The following TMTC4 variants were observed in gnomAD, a reference collection of about 807,000 sequenced individuals.
TMTC4 encodes protein O-mannosyl-transferase TMTC4.
Under a neutral mutation model 86.0 loss-of-function variants are expected in TMTC4, and 65 were observed. That is an observed-to-expected ratio of 0.76 (90% confidence interval 0.62 to 0.93). The LOEUF (loss-of-function observed/expected upper bound fraction) is 0.93, where lower values mean the gene tolerates loss of function less well. Ranked by LOEUF, TMTC4 falls within the 40% of genes least tolerant of loss-of-function variation. The pLI is 0.00. For synonymous variants in TMTC4, 379 were observed against 382.5 expected, an observed-to-expected ratio of 0.99 and a Z score of 0.11; for missense variants, 866 against 948.1, an observed-to-expected ratio of 0.91 and a Z score of 1.14.
Position 100,610,299 on chromosome 13 carries a change from G to A in TMTC4, c.2064+2099C>T, listed in dbSNP as rs117989580. On this transcript the variant is annotated intron_variant, in intron 17 of 18. Transcript: ENST00000342624. ...TGCCCAGTGCTCTGCGAGGAAACACGTCCCCTCACTACATCCTGAAACAAG... is the reference window on the plus strand; with the variant it reads ...TGCCCAGTGCTCTGCGAGGAAACACATCCCCTCACTACATCCTGAAACAAG... Among the ~76,000 whole-genome samples, 182 of 152,252 alleles carry A rather than the reference G, an allele frequency of 1.2e-3. 5 individuals carry two copies. The East Asian group carries it at 0.029, about 25-fold the overall frequency.
chr13:100,627,175 T>A (rs1027298227), intron 12 of TMTC4, among the ~76,000 whole-genome samples: 12 of 152,068 alleles, frequency 7.9e-5, no homozygotes, highest in Non-Finnish European at 1.3e-4. Context: ...GGCCTCGGTG[T>A]GGCTGGAGCA....
intron 5 of TMTC4, 117 bp from the exon 6 acceptor site, chr13:100,656,585 C>T (rs1470941020): frequency 3.3e-6 from 2 of 611,786 alleles, no homozygotes; most frequent in Non-Finnish European, 5.3e-6. Context: ...CTCTGCCACC[C>T]AGGCTGGAGT....
intron 15 of TMTC4, among the ~76,000 whole-genome samples, chr13:100,621,586 T>C (rs973376350): frequency 1.3e-5 from 2 of 152,100 alleles, no homozygotes; most frequent in Non-Finnish European, 1.5e-5. Context: ...CCACCACGCC[T>C]GGCTAATTTT....
At position 100,637,804 on chromosome 13, in the gene TMTC4, A is replaced by T. The variant is rs189610741; in HGVS notation, c.835-102T>A. 692 of 1,549,864 alleles carry T rather than the reference A, an allele frequency of 4.5e-4. 5 individuals are homozygous for T. The African/African-American group carries it at 8.4e-3, about 19-fold the overall frequency. On this transcript the variant is annotated intron_variant, in intron 8 of 18. Coordinates refer to ENST00000342624, the MANE Select transcript of TMTC4 (RefSeq NM_032813.5). Reference sequence around the variant, plus strand: ...GCAATTCTGCCTGAACTGCTTCAACACTGTGCTTTAAAAGGCTGGTTATTG... The same window carrying T: ...GCAATTCTGCCTGAACTGCTTCAACTCTGTGCTTTAAAAGGCTGGTTATTG...
chr13:100,668,361 C>T, intron 3 of TMTC4: 1 of 559,408 alleles, frequency 1.8e-6, no homozygotes, highest in South Asian at 2.1e-5. Flanking sequence ...GAGGGGAGTG[C>T]CTGAGCTGAG....
chr13:100,659,742 C>T (rs552512399), intron 5 of TMTC4, among the ~76,000 whole-genome samples: 3 of 151,004 alleles, frequency 2.0e-5, no homozygotes, highest in African/African-American at 7.3e-5. Flanking sequence ...AGAGACATTC[C>T]ATGAGTTGAG....
At chr13:100,654,644 G>A (rs971277790) in intron 6 of TMTC4, among the ~76,000 whole-genome samples, 1 of 151,914 alleles carries the variant, frequency 6.6e-6, no homozygotes, top group African/African-American at 2.4e-5. Context: ...AAGAGTAAAA[G>A]GTTCCAGAAA....
Position 100,642,278 on chromosome 13 carries a change from C to T in TMTC4, c.674G>A (p.Trp225Ter). Residue 225 changes from tryptophan to a stop codon, truncating the protein, a stop_gained, in exon 7 of 19, where the codon TGG (tryptophan) becomes TAG (stop). Transcript: ENST00000342624. LOFTEE classifies it high-confidence loss of function. ...NKEGAHSSTF[W>*]VLLSIFLGAV... The stretch of plus-strand genomic sequence containing the variant: ...TCCCAGAAAGATACTCAGCAGCACC[C>T]AGAAGGTGGAAGAATGCGCTCCCTC... The T allele has an allele frequency of 1.9e-6, 3 of 1,614,212 alleles. No homozygotes were observed. Among genetic ancestry groups the T allele is most frequent in the Non-Finnish European group, 2.5e-6 (3 of 1,180,032 alleles).
chr13:100,674,822 T>C (rs1887649848), upstream of TMTC4: 5 of 975,390 alleles, frequency 5.1e-6, no homozygotes, highest in East Asian at 1.2e-4. Flanking sequence ...CGCCCGGACC[T>C]GGCAGGGGGA....
intron 15 of TMTC4, 124 bp downstream of exon 15, chr13:100,625,411 A>C: frequency 1.5e-6 from 2 of 1,316,352 alleles, no homozygotes; most frequent in Non-Finnish European, 2.1e-6. Flanking sequence ...TTCAAATGAG[A>C]TAGAAACATG....
At chr13:100,627,300 G>A (rs1487940240) in intron 12 of TMTC4, among the ~76,000 whole-genome samples, 2 of 152,214 alleles carry the variant, frequency 1.3e-5, no homozygotes, top group African/African-American at 4.8e-5. Context: ...AGGCCGGCGC[G>A]GGGCGGGGTC....
chr13:100,633,092 T>C (rs571146187), intron 12 of TMTC4, among the ~76,000 whole-genome samples: 156 of 152,056 alleles, frequency 1.0e-3, no homozygotes, highest in African/African-American at 3.6e-3. Flanking sequence ...GATGGGCGAA[T>C]CACGAGGTCA....
chr13:100,644,096 CTCTT>C (rs1345815926), intron 6 of TMTC4, among the ~76,000 whole-genome samples: 1 of 148,800 alleles, frequency 6.7e-6, no homozygotes, highest in Non-Finnish European at 1.5e-5. Flanking sequence ...GTGGGAGGCG[CTCTT>C]TTTTTTTTTT....
At chr13:100,658,762 C>T (rs913606464) in intron 5 of TMTC4, among the ~76,000 whole-genome samples, 4 of 152,142 alleles carry the variant, frequency 2.6e-5, no homozygotes, top group Non-Finnish European at 5.9e-5. Context: ...GACCATCCCA[C>T]GACTTTGAGC....
intron 18 of TMTC4, 63 bp downstream of exon 18, chr13:100,606,295 C>T: frequency 1.5e-6 from 2 of 1,362,880 alleles, no homozygotes; most frequent in Non-Finnish European, 2.1e-6. Context: ...ATTTTATAGA[C>T]ATGCACCCAC....
intron 15 of TMTC4, among the ~76,000 whole-genome samples, chr13:100,619,043 C>T (rs946508201): frequency 6.6e-6 from 1 of 152,148 alleles, no homozygotes; most frequent in Non-Finnish European, 1.5e-5. Context: ...GGCAGAGGGG[C>T]TCCTCACTTC....
rs748158380 is a variant in TMTC4, at chr13:100,625,630, T to G, written c.1741A>C (p.Ser581Arg). The G allele has an allele frequency of 6.2e-7, 1 of 1,614,250 alleles. No individual in the cohort carries two copies. The highest frequency in any genetic ancestry group is 1.1e-5 in the South Asian group (1 of 91,084). The stretch of plus-strand genomic sequence containing the variant: ...TCTGCTGCTTCAAACCGTTTCAGGC[T>G]ATTCTGCACTATGCCTAGATTCATC... ...AWMNLGIVQN[S>R]LKRFEAAEQS... Residue 581 changes from serine to arginine, a missense_variant, in exon 15 of 19, where the codon AGC becomes CGC. Transcript: ENST00000342624.
chr13:100,673,467 A>G (rs1887392865), intron 1 of TMTC4, among the ~76,000 whole-genome samples: 3 of 152,298 alleles, frequency 2.0e-5, no homozygotes, highest in Middle Eastern at 3.4e-3. Flanking sequence ...CTGAGAGGTG[A>G]CAGCGCCTCT....
intron 15 of TMTC4, among the ~76,000 whole-genome samples, chr13:100,623,417 G>C (rs1420012511): frequency 6.6e-6 from 1 of 152,190 alleles, no homozygotes; most frequent in Non-Finnish European, 1.5e-5. Flanking sequence ...ATTTTTAGTA[G>C]AGATGTGGTT....
Sources: allele counts gnomAD v4.1 joint callset (sites outside exome capture counted in the v4.1 genomes callset), GRCh38; gene constraint gnomAD v4.1.1; transcripts MANE v1.5; gene names NCBI Gene and HGNC (gene_info 2026-07-23, HGNC 2026-07-21).